MED13L: variants seen among roughly 807,000 people sequenced by gnomAD.
The protein encoded by MED13L is mediator of RNA polymerase II transcription subunit 13-like.
A neutral mutation model predicts 220.9 loss-of-function variants in MED13L; 7 were observed. The observed-to-expected ratio is 0.03, with a 90% CI of 0.02 to 0.06. MED13L has a LOEUF of 0.06. Among genes scored for constraint, MED13L ranks in the 10% least tolerant of loss-of-function variants. The pLI is 1.00. For missense variants in MED13L, 1,965 were observed against 2,760.5 expected (o/e 0.71, Z 6.46); for synonymous variants, 1,011 against 1,015.2 (o/e 1.00, Z 0.08).
chr12:116,230,782 TA>T (rs1292833205), intron 2 of MED13L, among the ~76,000 whole-genome samples: 1 of 152,216 alleles, frequency 6.6e-6, no homozygotes, highest in Non-Finnish European at 1.5e-5. Flanking sequence ...TTTCAACTGA[TA>T]ATAAATTCAT....
chr12:115,989,424 T>C (rs541791194), intron 17 of MED13L, among the ~76,000 whole-genome samples: 22 of 152,150 alleles, frequency 1.4e-4, no homozygotes, highest in Admixed American at 1.0e-3. Flanking sequence ...CACGCTTCTC[T>C]GCCTCACCTA....
At chr12:115,969,444 C>T (rs539372958) in intron 27 of MED13L, among the ~76,000 whole-genome samples, 21 of 152,178 alleles carry the variant, frequency 1.4e-4, no homozygotes, top group Non-Finnish European at 1.5e-4. Flanking sequence ...CATTCAAAAA[C>T]ACAGTAGACT....
chr12:116,000,498 G>A (rs1878672995), intron 14 of MED13L, among the ~76,000 whole-genome samples: 1 of 152,132 alleles, frequency 6.6e-6, no homozygotes, highest in Non-Finnish European at 1.5e-5. Context: ...CTCCAACAAA[G>A]CAGCATTGTT....
At chr12:115,994,605 T>C (rs1418044198) in intron 16 of MED13L, among the ~76,000 whole-genome samples, 1 of 152,236 alleles carries the variant, frequency 6.6e-6, no homozygotes, top group Non-Finnish European at 1.5e-5. Flanking sequence ...TTTAAACGAT[T>C]ACACAGCAAA....
intron 2 of MED13L, among the ~76,000 whole-genome samples, chr12:116,201,059 G>A (rs1881978995): frequency 6.6e-6 from 1 of 152,092 alleles, no homozygotes; most frequent in Non-Finnish European, 1.5e-5. Context: ...ATTCCAGATT[G>A]TAAAAGAAAA....
intron 2 of MED13L, among the ~76,000 whole-genome samples, chr12:116,116,637 A>C (rs1565885013): frequency 6.6e-6 from 1 of 151,990 alleles, no homozygotes; most frequent in Admixed American, 6.6e-5. Flanking sequence ...GAAGCTTTGG[A>C]GGTCCAGACT....
chr12:116,039,285 A>T (rs560842009), intron 4 of MED13L, among the ~76,000 whole-genome samples: 1 of 152,340 alleles, frequency 6.6e-6, no homozygotes, highest in Admixed American at 6.5e-5. Flanking sequence ...CCTTTCAGAG[A>T]CCAGGGCCTT....
chr12:116,143,315 A>C (rs1182558002), intron 2 of MED13L, among the ~76,000 whole-genome samples: 1 of 151,494 alleles, frequency 6.6e-6, no homozygotes, highest in Admixed American at 6.6e-5. Flanking sequence ...CAGGGGACAC[A>C]GCAACACCTT....
At chr12:115,992,104 TAA>T (rs879503143) in intron 16 of MED13L, 147 bp from the exon 17 acceptor site, 144 of 625,538 alleles carry the variant, frequency 2.3e-4, no homozygotes, top group South Asian at 4.7e-4. Flanking sequence ...AATTTTCTCT[TAA>T]AAAAAAAAAA....
Position 115,980,860 on chromosome 12 carries a change from A to G in MED13L, c.5254T>C (p.Phe1752Leu). 6.2e-7 allele frequency: 1 copy of G among 1,613,876 alleles called. No homozygotes were observed. Among genetic ancestry groups the G allele is most frequent in the Non-Finnish European group, 8.5e-7 (1 of 1,180,002 alleles). Residue 1752 changes from phenylalanine (F) to leucine (L), a missense_variant, in exon 23 of 31, where the codon TTT (phenylalanine) becomes CTT (leucine). Physicochemically the swap from Phe to Leu is conservative, Grantham distance 22 (BLOSUM62 0). Around this residue, in one of 10 missense-constraint regions of MED13L, gnomAD observed 510 missense variants for 620.4 expected, o/e 0.82. Transcript: ENST00000281928. ...FYIQYLKSMA[F>L]SVYCQCRRPL... ...CGCCTGCACTGGCAGTACACTGAAAATGCCATGGACTTCAAGTATTGAATG... is the reference window on the plus strand; with the variant it reads ...CGCCTGCACTGGCAGTACACTGAAAGTGCCATGGACTTCAAGTATTGAATG...
intron 17 of MED13L, among the ~76,000 whole-genome samples, chr12:115,988,278 AT>A (rs1877833528): frequency 6.6e-6 from 1 of 152,228 alleles, no homozygotes; most frequent in Admixed American, 6.5e-5. Flanking sequence ...TCCACAGAAT[AT>A]TTTGTTAAAC....
intron 4 of MED13L, among the ~76,000 whole-genome samples, chr12:116,030,538 A>C (rs978810172): frequency 3.9e-5 from 6 of 152,168 alleles, no homozygotes; most frequent in Non-Finnish European, 7.3e-5. Flanking sequence ...ATAATAACAA[A>C]AATATGTATT....
intron 4 of MED13L, among the ~76,000 whole-genome samples, chr12:116,084,995 C>T (rs530085487): frequency 3.7e-4 from 56 of 152,216 alleles, no homozygotes; most frequent in African/African-American, 1.3e-3. Context: ...ACTGCGATGT[C>T]CGTTTATTTT....
chr12:116,057,381 T>C (rs534577855), intron 4 of MED13L, among the ~76,000 whole-genome samples: 5 of 152,164 alleles, frequency 3.3e-5, no homozygotes, highest in South Asian at 2.1e-4. Flanking sequence ...TGCAAAACTC[T>C]ATCTAGCGTA....
intron 2 of MED13L, among the ~76,000 whole-genome samples, chr12:116,209,682 G>A (rs963995279): frequency 3.9e-5 from 6 of 152,284 alleles, no homozygotes; most frequent in African/African-American, 1.4e-4. Flanking sequence ...GGAGTGGTCA[G>A]ATAACTATTA....
chr12:116,237,778 G>A, intron 1 of MED13L, 73 bp from the exon 2 acceptor site: 1 of 1,262,004 alleles, frequency 7.9e-7, no homozygotes, highest in Non-Finnish European at 1.2e-6. Context: ...CTTCCATACA[G>A]AAAAGCAATT....
chr12:116,063,489 G>C (rs1869673826), intron 4 of MED13L, among the ~76,000 whole-genome samples: 1 of 152,200 alleles, frequency 6.6e-6, no homozygotes, highest in African/African-American at 2.4e-5. Context: ...CTGCACTTCA[G>C]CCTGGGCAAC....
chr12:116,238,099 A>G (rs1870269035), intron 1 of MED13L, among the ~76,000 whole-genome samples: 1 of 152,258 alleles, frequency 6.6e-6, no homozygotes. Flanking sequence ...TATATATGAA[A>G]TAATTTCTTT....
intron 4 of MED13L, among the ~76,000 whole-genome samples, chr12:116,083,657 T>C (rs1301424705): frequency 6.6e-6 from 1 of 152,158 alleles, no homozygotes; most frequent in Admixed American, 6.5e-5. Flanking sequence ...AATGCATATG[T>C]TCATCACTTC....
Sources: allele counts gnomAD v4.1 joint callset (sites outside exome capture counted in the v4.1 genomes callset), GRCh38; gene constraint gnomAD v4.1.1; regional missense constraint gnomAD v4.1.1; transcripts MANE v1.5; gene names NCBI Gene and HGNC (gene_info 2026-07-23, HGNC 2026-07-21).